The following IQGAP2 variants were observed in gnomAD, a reference collection of about 807,000 sequenced individuals.
IQGAP2 encodes the protein ras GTPase-activating-like protein IQGAP2.
A neutral mutation model predicts 201.3 loss-of-function variants in IQGAP2; 173 were observed. The observed-to-expected ratio is 0.86, with a 90% confidence interval of 0.76 to 0.98. The LOEUF (loss-of-function observed/expected upper bound fraction) is 0.98, where lower values mean the gene tolerates loss of function less well. Ranked by LOEUF, IQGAP2 falls within the 50% of genes least tolerant of loss-of-function variation. IQGAP2 has a pLI of 0.00. For missense variants in IQGAP2, 1,687 were observed against 1,864.8 expected (o/e 0.90, Z 1.76); for synonymous variants, 675 against 673.9 (o/e 1.00, Z -0.03).
Position 76,597,438 on chromosome 5 carries a change from G to A in IQGAP2, c.908-1G>A. On this transcript the variant is annotated splice_acceptor_variant, in intron 9 of 35. Transcript: ENST00000274364. LOFTEE classifies it high-confidence loss of function. ...GACAAAACATGAACCCCCATCCTCAGGGCAGGCTGCAGTGGACCATATCAA... is the reference window on the plus strand; with the variant it reads ...GACAAAACATGAACCCCCATCCTCAAGGCAGGCTGCAGTGGACCATATCAA... 2 of 1,613,792 alleles carry A rather than the reference G, an allele frequency of 1.2e-6. No individual in the cohort carries two copies. Among genetic ancestry groups the A allele is most frequent in the Non-Finnish European group, 1.7e-6 (2 of 1,179,856 alleles).
chr5:76,635,948 G>T (rs1028307065), intron 15 of IQGAP2, among the ~76,000 whole-genome samples: 1 of 152,190 alleles, frequency 6.6e-6, no homozygotes, highest in Non-Finnish European at 1.5e-5. Flanking sequence ...GTATTTTCTA[G>T]TAGACCAATG....
chr5:76,641,683 T>C (rs1751597834), intron 17 of IQGAP2, among the ~76,000 whole-genome samples: 1 of 152,190 alleles, frequency 6.6e-6, no homozygotes, highest in Admixed American at 6.6e-5. Context: ...CAGGTTTAGA[T>C]GTTTCTCTTC....
At chr5:76,680,839 T>TCA (rs1418162558) in intron 28 of IQGAP2, among the ~76,000 whole-genome samples, 95 of 145,410 alleles carry the variant, frequency 6.5e-4, no homozygotes, top group African/African-American at 2.0e-3. Flanking sequence ...GTGCAGTGGC[T>TCA]CACACCTGTA....
chr5:76,643,831 G>T (rs1751784703), intron 17 of IQGAP2, among the ~76,000 whole-genome samples: 1 of 152,138 alleles, frequency 6.6e-6, no homozygotes, highest in Non-Finnish European at 1.5e-5. Context: ...AGGAGCAGTG[G>T]CAGAGTCTGT....
chr5:76,472,988 GA>G (rs2150136820), intron 2 of IQGAP2, among the ~76,000 whole-genome samples: 1 of 152,320 alleles, frequency 6.6e-6, no homozygotes, highest in Non-Finnish European at 1.5e-5. Flanking sequence ...CACTCTGTGG[GA>G]AGGAGCATTA....
intron 21 of IQGAP2, among the ~76,000 whole-genome samples, chr5:76,661,759 A>G (rs1743268759): frequency 6.6e-6 from 1 of 152,210 alleles, no homozygotes; most frequent in African/African-American, 2.4e-5. Context: ...GTGTAGGTTT[A>G]CCAAGCTAAT....
At chr5:76,668,443 G>T in intron 22 of IQGAP2, among the ~76,000 whole-genome samples, 1 of 151,440 alleles carries the variant, frequency 6.6e-6, no homozygotes, top group Non-Finnish European at 1.5e-5. Context: ...GGAAGCTAAA[G>T]TAGAAAGTTA....
intron 21 of IQGAP2, among the ~76,000 whole-genome samples, chr5:76,659,129 G>T (rs1020726278): frequency 2.0e-5 from 3 of 151,986 alleles, no homozygotes; most frequent in African/African-American, 7.3e-5. Flanking sequence ...AGTTTTTATC[G>T]TTTTTATTAT....
intron 27 of IQGAP2, among the ~76,000 whole-genome samples, chr5:76,674,933 G>C (rs887351079): frequency 6.6e-6 from 1 of 152,160 alleles, no homozygotes; most frequent in East Asian, 1.9e-4. Context: ...CTATTACACT[G>C]AGTCTTTTCT....
chr5:76,595,398 C>T (rs1027206348), intron 9 of IQGAP2, among the ~76,000 whole-genome samples: 1 of 151,172 alleles, frequency 6.6e-6, no homozygotes, highest in Non-Finnish European at 1.5e-5. Context: ...CTGGACATTT[C>T]GTTAAATGCA....
intron 17 of IQGAP2, among the ~76,000 whole-genome samples, chr5:76,650,359 G>A (rs1190882146): frequency 6.6e-6 from 1 of 152,212 alleles, no homozygotes; most frequent in Non-Finnish European, 1.5e-5. Flanking sequence ...AAAGTAGCTA[G>A]GTGGAAGTAG....
At chr5:76,423,663 G>A (rs905435376) in intron 1 of IQGAP2, among the ~76,000 whole-genome samples, 3 of 152,204 alleles carry the variant, frequency 2.0e-5, no homozygotes, top group African/African-American at 7.2e-5. Flanking sequence ...AAGCTGAGAA[G>A]TCATCACAAA....
At chr5:76,454,205 G>A (rs1475557410) in intron 1 of IQGAP2, among the ~76,000 whole-genome samples, 1 of 152,016 alleles carries the variant, frequency 6.6e-6, no homozygotes. Context: ...CAGTCTGCAG[G>A]CCAGCCCTCT....
intron 17 of IQGAP2, among the ~76,000 whole-genome samples, chr5:76,644,309 T>TTTTTTTTTTTTTTTTTTTTTTTA (rs1751851894): frequency 8.8e-6 from 1 of 113,508 alleles, no homozygotes; most frequent in Non-Finnish European, 1.9e-5. Flanking sequence ...TTTTTTTTTT[T>TTTTTTTTTTTTTTTTTTTTTTTA]TTTTTTTTGA....
intron 5 of IQGAP2, among the ~76,000 whole-genome samples, chr5:76,587,285 A>T (rs1454661068): frequency 1.3e-5 from 2 of 152,168 alleles, no homozygotes; most frequent in South Asian, 2.1e-4. Context: ...GAAAACTTTT[A>T]TTGTGTGTGT....
At chr5:76,525,052 C>T (rs1758892509) in intron 2 of IQGAP2, among the ~76,000 whole-genome samples, 1 of 152,184 alleles carries the variant, frequency 6.6e-6, no homozygotes, top group African/African-American at 2.4e-5. Context: ...GTTTAAGTAA[C>T]CTCCCATGGG....
chr5:76,516,878 A>G (rs1758366236), intron 2 of IQGAP2, among the ~76,000 whole-genome samples: 1 of 152,094 alleles, frequency 6.6e-6, no homozygotes, highest in Non-Finnish European at 1.5e-5. Context: ...AAAAAATTTT[A>G]TTTTTCATGC....
chr5:76,419,629 T>C (rs771417438), intron 1 of IQGAP2, among the ~76,000 whole-genome samples: 15 of 152,002 alleles, frequency 9.9e-5, no homozygotes, highest in Non-Finnish European at 1.5e-4. Context: ...TGAGCTACCA[T>C]GCCTGTCCTC....
intron 2 of IQGAP2, among the ~76,000 whole-genome samples, chr5:76,518,455 C>T (rs1052985503): frequency 6.6e-6 from 1 of 152,146 alleles, no homozygotes. Flanking sequence ...GAGAACAGCA[C>T]AGGAAAGACT....
Sources: gnomAD v4.1 joint callset for allele counts (sites outside exome capture counted in the v4.1 genomes callset) on GRCh38, gnomAD v4.1.1 for gene constraint, MANE v1.5 for transcripts, NCBI Gene and HGNC (gene_info 2026-07-23, HGNC 2026-07-21) for gene names.